The following DENND1B variants were observed in gnomAD, a reference collection of about 807,000 sequenced individuals.
DENND1B encodes DENN domain containing 1B.
DENND1B carries 59 observed loss-of-function variants against 90.1 expected under a neutral mutation model. That is an observed-to-expected ratio of 0.65 (90% CI 0.53 to 0.81). The LOEUF is 0.81. Among genes scored for constraint, DENND1B ranks in the 40% least tolerant of loss-of-function variants. The pLI is 0.00. For missense variants in DENND1B, 862 were observed against 912.6 expected, an observed-to-expected ratio of 0.94 and a Z score of 0.71; for synonymous variants, 337 against 324.6, an observed-to-expected ratio of 1.04 and a Z score of -0.41.
chr1:197,749,893 G>A (rs1653242021), intron 2 of DENND1B, among the ~76,000 whole-genome samples: 1 of 152,104 alleles, frequency 6.6e-6, no homozygotes, highest in Admixed American at 6.5e-5. Flanking sequence ...TGTCGCCCAG[G>A]CTGGAATACA....
chr1:197,509,683 G>C lies in DENND1B; in HGVS notation c.*777C>G, dbSNP rs1667895238. ...TGTTGTATTTGGCTTTCTTGGGGTG[G>C]ACCCCTAAATAGCAAAGGCATACAG... is the stretch of plus-strand genomic sequence containing the variant. On this transcript the variant is annotated 3_prime_UTR_variant, in exon 23 of 23. Transcript: ENST00000620048. 1 of 149,962 alleles carries C rather than the reference G, an allele frequency of 6.7e-6. No homozygotes were observed. Among genetic ancestry groups the C allele is most frequent in the South Asian group, 2.1e-4 (1 of 4,776 alleles). 9.3% of individuals were successfully genotyped at this position (149,962 alleles called of 1,614,324 possible).
At chr1:197,529,697 T>C (rs1669481707) in intron 20 of DENND1B, among the ~76,000 whole-genome samples, 1 of 152,148 alleles carries the variant, frequency 6.6e-6, no homozygotes, top group Admixed American at 6.5e-5. Context: ...TTCTTATTCT[T>C]AGAAAAGAAA....
intron 3 of DENND1B, among the ~76,000 whole-genome samples, chr1:197,683,423 A>G (rs1456470084): frequency 1.3e-5 from 2 of 152,152 alleles, no homozygotes; most frequent in African/African-American, 2.4e-5. Flanking sequence ...GGGATCAGAT[A>G]TAAGGCTTTT....
chr1:197,694,035 T>C lies in DENND1B; in HGVS notation c.127-19866A>G, dbSNP rs555602868. ...ACCTACTTCTTATCCTAAAGTGTAT[T>C]TCAGGCTTAAATTTTAAATATTAAT... On this transcript the variant is annotated intron_variant, in intron 3 of 22. Transcript: ENST00000620048. Among the ~76,000 whole-genome samples the C allele has an allele frequency of 2.6e-4, 40 of 151,606 alleles. No individual in the cohort carries two copies. In the South Asian group the frequency reaches 7.5e-3, roughly 28 times the overall value.
chr1:197,670,484 T>TGTGTGTGTGTGTGTGG, intron 5 of DENND1B, among the ~76,000 whole-genome samples: 1 of 149,360 alleles, frequency 6.7e-6, no homozygotes, highest in Non-Finnish European at 1.5e-5. Context: ...TGTGTGTGTG[T>TGTGTGTGTGTGTGTGG]ATTGAGAGAG....
At chr1:197,739,660 T>C (rs937780185) in intron 2 of DENND1B, among the ~76,000 whole-genome samples, 6 of 152,052 alleles carry the variant, frequency 3.9e-5, no homozygotes, top group African/African-American at 1.4e-4. Flanking sequence ...GTTAAAAGCA[T>C]GAAAAGACAA....
At chr1:197,684,048 G>C (rs761098984) in intron 3 of DENND1B, among the ~76,000 whole-genome samples, 1 of 152,126 alleles carries the variant, frequency 6.6e-6, no homozygotes, top group Non-Finnish European at 1.5e-5. Context: ...CATGTAAAAC[G>C]ACACCACTTT....
chr1:197,541,013 T>G lies in DENND1B; in HGVS notation c.1353A>C (p.Ala451=). ...TPAVRTAYKF[A]KNHAKLGLKE... ...TTAGTCCCAGCTTTGCATGATTTTT[T>G]GCCTAGAAAATGATAATGAATGTGC... Residue 451 remains alanine, a splice_region_variant and synonymous_variant, in exon 19 of 23, where the codon GCA becomes GCC. Transcript: ENST00000620048. 1 of 1,612,598 alleles carries G rather than the reference T, an allele frequency of 6.2e-7. No homozygotes were observed. The highest frequency in any genetic ancestry group is 8.5e-7 in the Non-Finnish European group (1 of 1,179,168).
At chr1:197,601,713 G>A (rs1676226684) in intron 13 of DENND1B, among the ~76,000 whole-genome samples, 1 of 151,600 alleles carries the variant, frequency 6.6e-6, no homozygotes, top group African/African-American at 2.4e-5. Flanking sequence ...GAGACATAAA[G>A]GGGGGTATTA....
intron 2 of DENND1B, among the ~76,000 whole-genome samples, chr1:197,749,725 T>C (rs1266441080): frequency 6.6e-6 from 1 of 151,990 alleles, no homozygotes; most frequent in African/African-American, 2.4e-5. Flanking sequence ...ATAAGATTTT[T>C]TTTTTCATTT....
intron 15 of DENND1B, among the ~76,000 whole-genome samples, chr1:197,582,622 T>A (rs752610599): frequency 6.6e-6 from 1 of 152,210 alleles, no homozygotes; most frequent in Non-Finnish European, 1.5e-5. Context: ...TAGTTACTGC[T>A]TTTTTGAAAT....
At chr1:197,562,067 C>T (rs544002157) in intron 15 of DENND1B, among the ~76,000 whole-genome samples, 30 of 151,964 alleles carry the variant, frequency 2.0e-4, no homozygotes, top group Admixed American at 4.6e-4. Flanking sequence ...TGTAATCCTA[C>T]CCTCACCTCT....
intron 3 of DENND1B, among the ~76,000 whole-genome samples, chr1:197,675,292 GT>G (rs1413761709): frequency 6.6e-6 from 1 of 152,096 alleles, no homozygotes; most frequent in African/African-American, 2.4e-5. Flanking sequence ...AGCATTGAGT[GT>G]TTTAAAGTAG....
chr1:197,573,613 C>T (rs1182760989), intron 15 of DENND1B, among the ~76,000 whole-genome samples: 2 of 152,114 alleles, frequency 1.3e-5, no homozygotes, highest in Non-Finnish European at 2.9e-5. Flanking sequence ...AGGCCAGTAT[C>T]GTCTGGATAC....
At chr1:197,746,631 T>G in intron 2 of DENND1B, 5 of 621,768 alleles carry the variant, frequency 8.0e-6, no homozygotes, top group Non-Finnish European at 5.8e-6. Flanking sequence ...ACTCCCAAAT[T>G]TTATGCTTAT....
chr1:197,685,862 G>C (rs1657183691), intron 3 of DENND1B: 1 of 151,982 alleles, frequency 6.6e-6, no homozygotes, highest in Admixed American at 6.6e-5. Context: ...CATTATAGAA[G>C]ACCAACCTCT....
intron 20 of DENND1B, among the ~76,000 whole-genome samples, chr1:197,529,258 GTGTGTGTGTGTATATGTA>G (rs1558205934): frequency 6.7e-5 from 1 of 15,036 alleles, no homozygotes; most frequent in African/African-American, 9.5e-5. Flanking sequence ...GTGTGTGTGT[GTGTGTGTGTGTATATGTA>G]TATATGTATA....
chr1:197,753,286 C>T (rs1003392925), intron 2 of DENND1B, among the ~76,000 whole-genome samples: 9 of 151,444 alleles, frequency 5.9e-5, no homozygotes, highest in East Asian at 1.9e-4. Flanking sequence ...TCTAATTAAT[C>T]GAAATATAAA....
intron 2 of DENND1B, chr1:197,747,076 T>C (rs1652792592): frequency 2.6e-6 from 2 of 780,434 alleles, no homozygotes; most frequent in East Asian, 4.9e-5. Flanking sequence ...CTCCTTCCAC[T>C]GGGTTTCATT....
Sources: allele counts gnomAD v4.1 joint callset (sites outside exome capture counted in the v4.1 genomes callset), GRCh38; gene constraint gnomAD v4.1.1; transcripts MANE v1.5; gene names NCBI Gene and HGNC (gene_info 2026-07-23, HGNC 2026-07-21).